NAA15: variants seen among roughly 807,000 people sequenced by gnomAD.
NAA15 encodes the protein N-alpha-acetyltransferase 15, NatA auxiliary subunit, also known as N-terminal acetyltransferase.
Under a neutral mutation model 114.0 loss-of-function variants are expected in NAA15, and 34 were observed. The observed-to-expected ratio is 0.30, with a 90% CI of 0.23 to 0.40. The LOEUF (loss-of-function observed/expected upper bound fraction) is 0.40. Among genes scored for constraint, NAA15 ranks in the 10% least tolerant of loss-of-function variants. The pLI is 1.00. For synonymous variants in NAA15, 340 were observed against 338.0 expected (o/e 1.01, Z -0.06); for missense variants, 658 against 1,004.5 (o/e 0.66, Z 4.66).
intron 1 of NAA15, among the ~76,000 whole-genome samples, chr4:139,324,555 T>C (rs1358398088): frequency 6.6e-6 from 1 of 152,250 alleles, no homozygotes; most frequent in African/African-American, 2.4e-5. Flanking sequence ...GTGAATTGAA[T>C]GTAAAACATA....
chr4:139,351,569 A>C lies in NAA15; in HGVS notation c.972A>C (p.Pro324=), dbSNP rs769366704. ...LRMNFSKGCP[P]VFNTLRSLYK... Reference sequence around the variant, plus strand: ...TGAATTTCAGCAAGGGTTGCCCACCAGTCTTCAATACTTTAAGATCATTAT... The same window carrying C: ...TGAATTTCAGCAAGGGTTGCCCACCCGTCTTCAATACTTTAAGATCATTAT... The change falls in exon 9 of 20, where the codon CCA becomes CCC. Residue 324 remains proline (P), a synonymous_variant. Coordinates refer to ENST00000296543, the MANE Select transcript of NAA15 (RefSeq NM_057175.5). 1.2e-6 allele frequency: 2 copies of C among 1,601,912 alleles called. No homozygotes were observed. Among genetic ancestry groups the C allele is most frequent in the Non-Finnish European group, 1.7e-6 (2 of 1,169,108 alleles).
chr4:139,341,518 C>A (rs544578157), intron 4 of NAA15, among the ~76,000 whole-genome samples: 1 of 129,742 alleles, frequency 7.7e-6, no homozygotes, highest in African/African-American at 3.0e-5. Context: ...GGCCTGAACC[C>A]GGGAGGTGGA....
intron 1 of NAA15, among the ~76,000 whole-genome samples, chr4:139,314,502 T>C (rs1341345114): frequency 6.6e-6 from 1 of 151,938 alleles, no homozygotes; most frequent in Non-Finnish European, 1.5e-5. Context: ...CTTAGAGTTG[T>C]AGAGATCATA....
At chr4:139,372,998 C>T (rs1748485226) in intron 15 of NAA15, among the ~76,000 whole-genome samples, 1 of 152,114 alleles carries the variant, frequency 6.6e-6, no homozygotes, top group South Asian at 2.1e-4. Flanking sequence ...GTGATCCTCT[C>T]ATCTCAGCCT....
chr4:139,326,111 A>G (rs35167676), intron 1 of NAA15, among the ~76,000 whole-genome samples: 40,406 of 152,056 alleles, frequency 0.27, 5,689 homozygotes, highest in African/African-American at 0.35. Flanking sequence ...AAAGCTTTCT[A>G]CAATGGCCAT....
At chr4:139,347,324 T>C (rs926435511) in intron 6 of NAA15, among the ~76,000 whole-genome samples, 2 of 152,080 alleles carry the variant, frequency 1.3e-5, no homozygotes, top group Non-Finnish European at 2.9e-5. Flanking sequence ...TGAGAACCGC[T>C]GGTACAGATA....
chr4:139,375,926 A>T (rs1340155829), intron 15 of NAA15, among the ~76,000 whole-genome samples: 2 of 152,228 alleles, frequency 1.3e-5, no homozygotes, highest in African/African-American at 4.8e-5. Context: ...GCAAGACAGA[A>T]TGGATAGTGT....
chr4:139,315,033 T>C (rs544610827), intron 1 of NAA15, among the ~76,000 whole-genome samples: 2,760 of 129,738 alleles, frequency 0.021, 253 homozygotes, highest in Admixed American at 0.045. Context: ...TAGGTTAGGT[T>C]AGGTTAGGTT....
At chr4:139,319,733 A>G (rs1049115927) in intron 1 of NAA15, among the ~76,000 whole-genome samples, 2 of 152,180 alleles carry the variant, frequency 1.3e-5, no homozygotes, top group Non-Finnish European at 2.9e-5. Flanking sequence ...ACACCCAGCC[A>G]AGTTCTATTT....
chr4:139,380,613 T>C (rs1748723137), intron 17 of NAA15, among the ~76,000 whole-genome samples: 1 of 152,172 alleles, frequency 6.6e-6, no homozygotes, highest in Non-Finnish European at 1.5e-5. Context: ...TAATAATTAG[T>C]TAGAATTACT....
intron 1 of NAA15, among the ~76,000 whole-genome samples, chr4:139,321,799 T>G (rs973054335): frequency 1.8e-4 from 28 of 152,082 alleles, no homozygotes; most frequent in Non-Finnish European, 3.8e-4. Context: ...TTTGTTTTTT[T>G]GTTGCCTTTG....
At chr4:139,373,846 A>G (rs890553826) in intron 15 of NAA15, among the ~76,000 whole-genome samples, 2 of 151,952 alleles carry the variant, frequency 1.3e-5, no homozygotes, top group African/African-American at 4.8e-5. Context: ...TTACAGGCAC[A>G]TACCACCACA....
chr4:139,378,240 G>T (rs888716793), intron 16 of NAA15, among the ~76,000 whole-genome samples: 2 of 152,156 alleles, frequency 1.3e-5, no homozygotes, highest in South Asian at 4.1e-4. Context: ...GAAATACAGG[G>T]AATGGGTGTG....
rs183618389 is a variant in NAA15 at position 139,317,507 on chromosome 4, G to T, written c.54+15676G>T. On this transcript the variant is annotated intron_variant, in intron 1 of 19. Coordinates refer to ENST00000296543, the MANE Select transcript of NAA15 (RefSeq NM_057175.5). ...ATGGTGGCACATGCCTGCAATCCCA[G>T]CTACTCGGAAGGCTGAGGCAGGAGA... Among the ~76,000 whole-genome samples the T allele has an allele frequency of 3.3e-5, 5 of 152,284 alleles. No individual in the cohort carries two copies. In the East Asian group the frequency reaches 9.6e-4, roughly 29 times the overall value.
At chr4:139,341,115 T>C in intron 4 of NAA15, 46 bp downstream of exon 4, 2 of 1,296,046 alleles carry the variant, frequency 1.5e-6, no homozygotes, top group Non-Finnish European at 1.0e-6. Flanking sequence ...GGGGAAAATA[T>C]GTACAACTTT....
chr4:139,322,130 G>T (rs934498016), intron 1 of NAA15, among the ~76,000 whole-genome samples: 5 of 152,118 alleles, frequency 3.3e-5, no homozygotes, highest in African/African-American at 1.2e-4. Flanking sequence ...GATATGGTTT[G>T]GCTGTGTCCC....
chr4:139,359,167 C>T (rs898794209), intron 11 of NAA15, among the ~76,000 whole-genome samples: 1 of 151,938 alleles, frequency 6.6e-6, no homozygotes, highest in Non-Finnish European at 1.5e-5. Context: ...GTCTTACTGT[C>T]ACCCAGGCTA....
chr4:139,332,572 G>GTTT lies in NAA15; in HGVS notation c.55-1576_55-1574dup, dbSNP rs1164115947. 9.4e-4 allele frequency among the ~76,000 whole-genome samples: 58 copies of GTTT among 62,028 alleles called. 13 individuals are homozygous for GTTT. The highest frequency in any genetic ancestry group is 6.4e-3 in the East Asian group (11 of 1,718). The allele number at this position is 62,028 out of a possible 152,430, so 40.7% of individuals were successfully genotyped here. A position where few individuals can be genotyped will look rare whatever the true frequency, so the allele number is the denominator to read the frequency against. On this transcript the variant is annotated intron_variant, in intron 1 of 19. Coordinates refer to ENST00000296543, the MANE Select transcript of NAA15 (RefSeq NM_057175.5). ...ACAGTCTTGGTATTTTGGTTTGTATGTTTTTTTTTTTTTTTTTTTTTTTTT... is the reference window on the plus strand; with the variant it reads ...ACAGTCTTGGTATTTTGGTTTGTATGTTTTTTTTTTTTTTTTTTTTTTTTTTTT...
chr4:139,374,134 G>C (rs1371791664), intron 15 of NAA15, among the ~76,000 whole-genome samples: 1 of 152,116 alleles, frequency 6.6e-6, no homozygotes, highest in East Asian at 1.9e-4. Context: ...TGCTATGCTA[G>C]AGACATATAC....
Sources: gnomAD v4.1 joint callset for allele counts (sites outside exome capture counted in the v4.1 genomes callset) on GRCh38, gnomAD v4.1.1 for gene constraint, MANE v1.5 for transcripts, NCBI Gene and HGNC (gene_info 2026-07-23, HGNC 2026-07-21) for gene names.